Variants in TANC1 observed in about 807,000 individuals in gnomAD.
TANC1 encodes the protein protein TANC1.
Under a neutral mutation model 149.7 loss-of-function variants are expected in TANC1, and 77 were observed. That is an observed-to-expected ratio of 0.51 (90% CI 0.43 to 0.62). The LOEUF is 0.62. Among genes scored for constraint, TANC1 ranks in the 20% least tolerant of loss-of-function variants. TANC1 has a pLI of 0.00. For missense variants in TANC1, 1,985 were observed against 2,321.8 expected (o/e 0.85, Z 2.98); for synonymous variants, 854 against 925.0 (o/e 0.92, Z 1.39).
chr2:159,113,714 G>A (rs1238481559), intron 4 of TANC1, among the ~76,000 whole-genome samples: 1 of 152,168 alleles, frequency 6.6e-6, no homozygotes, highest in African/African-American at 2.4e-5. Flanking sequence ...AAATCTAATT[G>A]CTTGCCAGGC....
intron 5 of TANC1, among the ~76,000 whole-genome samples, chr2:159,147,203 G>A (rs1379637501): frequency 1.3e-5 from 2 of 152,266 alleles, no homozygotes; most frequent in Admixed American, 6.5e-5. Flanking sequence ...TCTACACAGA[G>A]TGTTTCAGGT....
chr2:159,010,902 T>C (rs565996942), intron 2 of TANC1, among the ~76,000 whole-genome samples: 4 of 152,240 alleles, frequency 2.6e-5, no homozygotes, highest in African/African-American at 9.6e-5. Context: ...TTTCTTTCTT[T>C]TGGTTTTTGT....
At chr2:159,138,937 C>T (rs1247237157) in intron 5 of TANC1, among the ~76,000 whole-genome samples, 1 of 152,162 alleles carries the variant, frequency 6.6e-6, no homozygotes, top group East Asian at 1.9e-4. Context: ...CAAAGGAAAA[C>T]AAACCAAAGA....
rs1440372930 is a variant in TANC1 at position 159,231,604 on chromosome 2, G to C, written c.*592G>C. 3 of 152,130 alleles carry C rather than the reference G, an allele frequency of 2.0e-5. No individual in the cohort carries two copies. Among genetic ancestry groups the C allele is most frequent in the African/African-American group, 7.2e-5 (3 of 41,402 alleles). The allele number at this position is 152,130 out of a possible 1,614,324, so 9.4% of individuals were successfully genotyped here. On this transcript the variant is annotated 3_prime_UTR_variant, in exon 27 of 27. Coordinates refer to ENST00000263635, the MANE Select transcript of TANC1 (RefSeq NM_033394.3). The stretch of plus-strand genomic sequence containing the variant: ...CTCTTCATAGCAGTTCCTATAAAGG[G>C]ATTAAACACTTATTTCTGTGTTATG...
chr2:159,061,352 C>T (rs2042221968), intron 2 of TANC1, among the ~76,000 whole-genome samples: 1 of 152,200 alleles, frequency 6.6e-6, no homozygotes, highest in African/African-American at 2.4e-5. Context: ...CCTCCCCTTG[C>T]CTTTCTCCCC....
At chr2:159,034,859 C>T (rs914554408) in intron 2 of TANC1, among the ~76,000 whole-genome samples, 1 of 152,236 alleles carries the variant, frequency 6.6e-6, no homozygotes, top group Admixed American at 6.5e-5. Flanking sequence ...AACGTCCTCA[C>T]GAACTCACCG....
intron 3 of TANC1, among the ~76,000 whole-genome samples, chr2:159,086,077 C>G (rs1043146901): frequency 1.3e-5 from 2 of 152,022 alleles, no homozygotes; most frequent in Non-Finnish European, 2.9e-5. Context: ...TGCACAGCTC[C>G]GGGGGCACTA....
In TANC1 at chr2:159,178,563, T is replaced by C. The variant is rs1478439096; in HGVS notation, c.1910T>C (p.Ile637Thr). ...TTTTGTTTTCTCCCCCAGGAAATCATAAGTGCGCTGCCATTTGTCAAGCTT... is the reference window on the plus strand; with the variant it reads ...TTTTGTTTTCTCCCCCAGGAAATCACAAGTGCGCTGCCATTTGTCAAGCTT... Reference protein sequence around the residue: ...VTVRANFQEIISALPFVKLSL... With the variant: ...VTVRANFQEITSALPFVKLSL... The change falls in exon 14 of 27, where the codon ATA becomes ACA. Residue 637 changes from isoleucine (I) to threonine (T), a missense_variant. Ile to Thr is a moderately conservative substitution (Grantham distance 89, BLOSUM62 -1). Coordinates refer to ENST00000263635, the MANE Select transcript of TANC1 (RefSeq NM_033394.3). 2 of 1,565,762 alleles carry C rather than the reference T, an allele frequency of 1.3e-6. No homozygotes were observed. Among genetic ancestry groups the C allele is most frequent in the Non-Finnish European group, 1.7e-6 (2 of 1,157,922 alleles).
intron 5 of TANC1, among the ~76,000 whole-genome samples, chr2:159,142,496 G>A (rs11695494): frequency 0.24 from 36,874 of 152,076 alleles, 5,456 homozygotes; most frequent in Non-Finnish European, 0.35. Context: ...TAAAAGTAAT[G>A]TTATTAAATC....
At position 159,152,463 on chromosome 2, in the gene TANC1, A is replaced by ATTTT. The variant is rs55894080; in HGVS notation, c.682+1925_682+1928dup. The stretch of plus-strand genomic sequence containing the variant: ...ATTACATGCCTTTGATTATAACCAA[A>ATTTT]TTTTTTTTTTTTTTTTTTTTTGCTT... On this transcript the variant is annotated intron_variant, in intron 7 of 26. Coordinates refer to ENST00000263635, the MANE Select transcript of TANC1 (RefSeq NM_033394.3). 5.5e-3 allele frequency among the ~76,000 whole-genome samples: 647 copies of ATTTT among 118,060 alleles called. 6 individuals are homozygous for ATTTT. The highest frequency in any genetic ancestry group is 0.01 in the Middle Eastern group (2 of 192). The allele number at this position is 118,060 out of a possible 152,430, so 77.5% of individuals were successfully genotyped here.
chr2:159,149,393 T>C, intron 6 of TANC1, 121 bp downstream of exon 6: 1 of 1,432,288 alleles, frequency 7.0e-7, no homozygotes, highest in Non-Finnish European at 9.8e-7. Flanking sequence ...TCTGGGCTGT[T>C]GTGTATTGAA....
intron 1 of TANC1, among the ~76,000 whole-genome samples, chr2:158,995,463 T>C (rs1328510416): frequency 6.6e-6 from 1 of 152,182 alleles, no homozygotes; most frequent in African/African-American, 2.4e-5. Context: ...GGTTATCTGG[T>C]GCTAGAGGCT....
At chr2:158,983,176 T>G (rs1475811964) in intron 1 of TANC1, among the ~76,000 whole-genome samples, 1 of 152,024 alleles carries the variant, frequency 6.6e-6, no homozygotes, top group Admixed American at 6.6e-5. Context: ...GAGTCAAAAG[T>G]GGTGTTTTAG....
At chr2:159,005,725 C>T (rs902110178) in intron 2 of TANC1, among the ~76,000 whole-genome samples, 1 of 151,678 alleles carries the variant, frequency 6.6e-6, no homozygotes, top group Admixed American at 6.6e-5. Context: ...CAGTGTACAG[C>T]ACTTAGAACC....
chr2:159,231,411 A>G lies in TANC1; in HGVS notation c.*399A>G, dbSNP rs935948012. On this transcript the variant is annotated 3_prime_UTR_variant, in exon 27 of 27. Transcript: ENST00000263635. ...CTCATGACCAAGTGATGTACATCCA[A>G]GTGATGTATTCTGGAAACGATGGAA... 6.2e-6 allele frequency: 1 copy of G among 162,322 alleles called. No individual in the cohort carries two copies. Among genetic ancestry groups the G allele is most frequent in the Non-Finnish European group, 1.4e-5 (1 of 73,678 alleles). The allele number at this position is 162,322 out of a possible 1,614,324, so 10.1% of individuals were successfully genotyped here. A position where few individuals can be genotyped will look rare whatever the true frequency, so the allele number is the denominator to read the frequency against.
intron 8 of TANC1, among the ~76,000 whole-genome samples, chr2:159,164,678 C>T (rs748361414): frequency 1.1e-4 from 17 of 152,230 alleles, no homozygotes; most frequent in Non-Finnish European, 1.5e-4. Context: ...ATTCTCCGCT[C>T]CTACGTCAGA....
rs76437262 is a variant in TANC1, at chr2:158,995,747, C to A, written c.-125-5333C>A. Among the ~76,000 whole-genome samples, 197 of 152,334 alleles carry A rather than the reference C, an allele frequency of 1.3e-3. 6 individuals carry two copies. In the East Asian group the frequency reaches 0.034, roughly 26 times the overall value. On this transcript the variant is annotated intron_variant, in intron 1 of 26. Coordinates refer to ENST00000263635, the MANE Select transcript of TANC1 (RefSeq NM_033394.3). ...TCTCAGGATGCTTCCCCAGACAGCTCTCAATTCCACCCTTCTGTCTGTATT... is the reference window on the plus strand; with the variant it reads ...TCTCAGGATGCTTCCCCAGACAGCTATCAATTCCACCCTTCTGTCTGTATT...
intron 2 of TANC1, among the ~76,000 whole-genome samples, chr2:159,050,839 T>C (rs1486045062): frequency 6.6e-6 from 1 of 152,214 alleles, no homozygotes; most frequent in African/African-American, 2.4e-5. Context: ...GTGATGTCAA[T>C]TGGAGATGAA....
At chr2:158,969,481 A>G (rs189741623) in intron 1 of TANC1, among the ~76,000 whole-genome samples, 20 of 152,258 alleles carry the variant, frequency 1.3e-4, no homozygotes, top group Middle Eastern at 3.4e-3. Context: ...AAGAGCGGTA[A>G]TTGTCAAGAT....
Sources: allele counts gnomAD v4.1 joint callset (sites outside exome capture counted in the v4.1 genomes callset), GRCh38; gene constraint gnomAD v4.1.1; transcripts MANE v1.5; gene names NCBI Gene and HGNC (gene_info 2026-07-23, HGNC 2026-07-21).